The following SEMA6D variants were observed in gnomAD, a reference collection of about 807,000 sequenced individuals.
The protein encoded by SEMA6D is semaphorin-6D.
Under a neutral mutation model 106.6 loss-of-function variants are expected in SEMA6D, and 35 were observed. The ratio of observed to expected loss-of-function variants is 0.33; its 90% CI spans 0.25 to 0.44. The LOEUF (loss-of-function observed/expected upper bound fraction) is 0.44. SEMA6D is among the 20% of genes least tolerant of loss of function. The pLI, the probability that SEMA6D is intolerant of heterozygous loss-of-function variation, is 1.00. For synonymous variants in SEMA6D, 499 were observed against 487.7 expected (o/e 1.02, Z -0.31); for missense variants, 1,185 against 1,345.9 (o/e 0.88, Z 1.87).
intron 1 of SEMA6D, among the ~76,000 whole-genome samples, chr15:47,213,211 T>C (rs2030214917): frequency 2.0e-5 from 3 of 152,200 alleles, no homozygotes; most frequent in Admixed American, 2.0e-4. Context: ...AGTGGCTGTG[T>C]ATTTTGGACC....
intron 2 of SEMA6D, among the ~76,000 whole-genome samples, chr15:47,437,362 G>A (rs1229516684): frequency 6.6e-6 from 1 of 151,998 alleles, no homozygotes; most frequent in Non-Finnish European, 1.5e-5. Context: ...TTTTCAGTAG[G>A]CAGTAATAAA....
intron 3 of SEMA6D, among the ~76,000 whole-genome samples, chr15:47,584,319 A>G (rs1026370854): frequency 6.6e-6 from 1 of 152,004 alleles, no homozygotes; most frequent in South Asian, 2.1e-4. Context: ...GCTACTTGGG[A>G]GGCTGAGGCA....
At chr15:47,514,907 A>G (rs1036538439) in intron 3 of SEMA6D, among the ~76,000 whole-genome samples, 1 of 152,182 alleles carries the variant, frequency 6.6e-6, no homozygotes, top group African/African-American at 2.4e-5. Context: ...CCAAGTGGAT[A>G]TGACTCTTCC....
intron 1 of SEMA6D, among the ~76,000 whole-genome samples, chr15:47,307,086 A>G (rs997955190): frequency 1.3e-5 from 2 of 152,118 alleles, no homozygotes; most frequent in Non-Finnish European, 2.9e-5. Flanking sequence ...TCATTTCCTC[A>G]TCTGTTTAAT....
At chr15:47,469,326 A>G (rs980316512) in intron 2 of SEMA6D, among the ~76,000 whole-genome samples, 13 of 118,430 alleles carry the variant, frequency 1.1e-4, no homozygotes, top group East Asian at 2.6e-4. Flanking sequence ...GTGTGTGTGT[A>G]TGTGCACGCA....
chr15:47,550,407 T>C (rs2045650115), intron 3 of SEMA6D, among the ~76,000 whole-genome samples: 1 of 152,194 alleles, frequency 6.6e-6, no homozygotes. Context: ...TTCTATTAAA[T>C]GACAAATGGC....
chr15:47,702,921 AC>A (rs1379635166), intron 4 of SEMA6D, among the ~76,000 whole-genome samples: 1 of 152,112 alleles, frequency 6.6e-6, no homozygotes, highest in Non-Finnish European at 1.5e-5. Context: ...TCTGTATAAT[AC>A]CATAATAGTG....
intron 1 of SEMA6D, among the ~76,000 whole-genome samples, chr15:47,398,575 C>T (rs61998567): frequency 0.023 from 3,438 of 152,188 alleles, 55 homozygotes; most frequent in Non-Finnish European, 0.036. Flanking sequence ...CTCCCTGTGC[C>T]CCTGAGGATT....
chr15:47,241,578 A>T (rs2032910902), intron 1 of SEMA6D, among the ~76,000 whole-genome samples: 1 of 151,992 alleles, frequency 6.6e-6, no homozygotes, highest in Admixed American at 6.6e-5. Context: ...AAGGCCAAGT[A>T]CATTGAAGAG....
At position 47,492,396 on chromosome 15, in the gene SEMA6D, C is replaced by T. The variant is rs781647422; in HGVS notation, c.-87+21851C>T. ...TTAATACTTTAAAAGTTCTCTCTCA[C>T]TCCCTATCCACAAGGGAAGGAAGTA... On this transcript the variant is annotated intron_variant, in intron 3 of 19. Transcript: ENST00000558014. Among the ~76,000 whole-genome samples, 58 of 152,306 alleles carry T rather than the reference C, an allele frequency of 3.8e-4. 2 individuals are homozygous for T. Among genetic ancestry groups the T allele is most frequent in the Non-Finnish European group, 2.9e-4 (20 of 68,022 alleles).
intron 3 of SEMA6D, among the ~76,000 whole-genome samples, chr15:47,502,593 C>T (rs1190606887): frequency 3.9e-5 from 6 of 152,190 alleles, no homozygotes; most frequent in Admixed American, 3.3e-4. Context: ...AAATCTGCGA[C>T]CCAAGCCATG....
rs551495494 is a variant in SEMA6D at position 47,773,454 on chromosome 15, A to T, written c.*1669A>T. On this transcript the variant is annotated 3_prime_UTR_variant, in exon 19 of 19. Transcript: ENST00000536845. ...CTGACTGTTTCAGTTAATATGCTGCACACCACACACTTGTTTAGTGAACCA... is the reference window on the plus strand; with the variant it reads ...CTGACTGTTTCAGTTAATATGCTGCTCACCACACACTTGTTTAGTGAACCA... 6.5e-6 allele frequency: 1 copy of T among 152,686 alleles called. No individual in the cohort carries two copies. Among genetic ancestry groups the T allele is most frequent in the East Asian group, 1.9e-4 (1 of 5,178 alleles). The allele number at this position is 152,686 out of a possible 1,614,324, so 9.5% of individuals were successfully genotyped here.
chr15:47,598,330 A>G (rs181939404), intron 3 of SEMA6D, among the ~76,000 whole-genome samples: 335 of 152,274 alleles, frequency 2.2e-3, no homozygotes, highest in African/African-American at 7.9e-3. Flanking sequence ...GAAATGTTTC[A>G]TGAATTGGTG....
rs534076381 is a variant in SEMA6D at position 47,703,981 on chromosome 15, A to C, written c.-54-55764A>C. Among the ~76,000 whole-genome samples the C allele has an allele frequency of 4.9e-4, 74 of 152,312 alleles. 2 individuals are homozygous for C. The South Asian group carries it at 0.015, about 31-fold the overall frequency. On this transcript the variant is annotated intron_variant, in intron 4 of 19. Transcript: ENST00000558014. Reference sequence around the variant, plus strand: ...AAGAAAGAAAATTATCTGTTGCAAAAACCCAGGGATTTTTGATATTTTGAT... The same window carrying C: ...AAGAAAGAAAATTATCTGTTGCAAACACCCAGGGATTTTTGATATTTTGAT...
At chr15:47,387,176 G>A (rs1354378182) in intron 1 of SEMA6D, among the ~76,000 whole-genome samples, 1 of 152,204 alleles carries the variant, frequency 6.6e-6, no homozygotes, top group Non-Finnish European at 1.5e-5. Context: ...AGAAAGGGCA[G>A]TGGGCAGTAA....
chr15:47,624,503 A>G (rs1484264273), intron 4 of SEMA6D, among the ~76,000 whole-genome samples: 1 of 151,864 alleles, frequency 6.6e-6, no homozygotes, highest in Non-Finnish European at 1.5e-5. Flanking sequence ...GGTTACCGGA[A>G]TTCTAGATAT....
At chr15:47,696,593 G>A (rs1446892037) in intron 4 of SEMA6D, among the ~76,000 whole-genome samples, 1 of 152,224 alleles carries the variant, frequency 6.6e-6, no homozygotes, top group Non-Finnish European at 1.5e-5. Flanking sequence ...GACATCTGCT[G>A]TGCAGCTTCT....
intron 2 of SEMA6D, among the ~76,000 whole-genome samples, chr15:47,422,255 T>G (rs1405869533): frequency 6.7e-6 from 1 of 148,998 alleles, no homozygotes; most frequent in African/African-American, 2.5e-5. Context: ...AACTGCATAT[T>G]GTTGGAGTCT....
chr15:47,557,515 T>G (rs1338584377), intron 3 of SEMA6D, among the ~76,000 whole-genome samples: 2 of 152,150 alleles, frequency 1.3e-5, no homozygotes, highest in African/African-American at 4.8e-5. Context: ...CTGCATTAGC[T>G]CCATAGTGCT....
Sources: gnomAD v4.1 joint callset for allele counts (sites outside exome capture counted in the v4.1 genomes callset) on GRCh38, gnomAD v4.1.1 for gene constraint, MANE v1.5 for transcripts, NCBI Gene and HGNC (gene_info 2026-07-23, HGNC 2026-07-21) for gene names.